Variants in SNX29 observed in about 807,000 individuals in gnomAD.
SNX29 encodes sorting nexin 29.
In SNX29, 78 loss-of-function variants were observed where a neutral mutation model predicts 102.1. That is an observed-to-expected ratio of 0.76 (90% CI 0.64 to 0.92). The LOEUF (loss-of-function observed/expected upper bound fraction) is 0.92, where lower values mean the gene tolerates loss of function less well. Among genes scored for constraint, SNX29 ranks in the 40% least tolerant of loss-of-function variants. The pLI is 0.00. For synonymous variants in SNX29, 580 were observed against 414.5 expected (o/e 1.40, Z -4.85); for missense variants, 1,280 against 1,061.7 (o/e 1.21, Z -2.86).
At chr16:12,115,418 T>C (rs1442128903) in intron 11 of SNX29, among the ~76,000 whole-genome samples, 1 of 151,548 alleles carries the variant, frequency 6.6e-6, no homozygotes, top group Non-Finnish European at 1.5e-5. Flanking sequence ...ACCAGAGAAA[T>C]TCAGGGGAGT....
intron 20 of SNX29, among the ~76,000 whole-genome samples, chr16:12,548,414 G>C (rs1026636775): frequency 1.3e-5 from 2 of 152,184 alleles, no homozygotes; most frequent in Non-Finnish European, 2.9e-5. Context: ...ACCTACCTCT[G>C]GCTCCCCACT....
At chr16:12,060,580 A>T (rs1431517900) in intron 8 of SNX29, among the ~76,000 whole-genome samples, 1 of 152,220 alleles carries the variant, frequency 6.6e-6, no homozygotes, top group Non-Finnish European at 1.5e-5. Flanking sequence ...TCCAGTGTGG[A>T]CAACAGAGCA....
At chr16:12,526,741 T>A in intron 20 of SNX29, 1 of 455,162 alleles carries the variant, frequency 2.2e-6, no homozygotes, top group South Asian at 2.0e-5. Context: ...GCTGAGAGTG[T>A]GAGCAGGAGG....
chr16:12,496,468 C>T (rs1405804596), intron 19 of SNX29, among the ~76,000 whole-genome samples: 1 of 151,298 alleles, frequency 6.6e-6, no homozygotes, highest in Non-Finnish European at 1.5e-5. Context: ...CCCAAGTCAC[C>T]AGCCTGCCCT....
rs2052855522 is a variant in SNX29 at position 12,098,314 on chromosome 16, G to A, written c.1402+19399G>A. Among the ~76,000 whole-genome samples, 1 of 152,114 alleles carries A rather than the reference G, an allele frequency of 6.6e-6. No homozygotes were observed. Reference sequence around the variant, plus strand: ...GAACAAAACTCAAAAGGTACGTATGGGATACCGTAAAGGATTTCTCTTCCA... The same window carrying A: ...GAACAAAACTCAAAAGGTACGTATGAGATACCGTAAAGGATTTCTCTTCCA... On this transcript the variant is annotated intron_variant, in intron 11 of 20. Transcript: ENST00000566228. The surrounding 1 kb of genome is among the most constrained non-coding windows in gnomAD (Gnocchi z 6.0).
At chr16:12,444,820 C>G (rs1245633706) in intron 18 of SNX29, among the ~76,000 whole-genome samples, 1 of 150,094 alleles carries the variant, frequency 6.7e-6, no homozygotes, top group Non-Finnish European at 1.5e-5. Context: ...GCCACATTGT[C>G]CCCTCGACAG....
intron 15 of SNX29, among the ~76,000 whole-genome samples, chr16:12,345,933 C>T (rs1288812195): frequency 6.6e-6 from 1 of 152,172 alleles, no homozygotes; most frequent in Non-Finnish European, 1.5e-5. Context: ...TAGTAGAATG[C>T]ACCTCTGTGT....
intron 16 of SNX29, among the ~76,000 whole-genome samples, chr16:12,388,947 G>A (rs2083431438): frequency 6.6e-6 from 1 of 152,178 alleles, no homozygotes; most frequent in Admixed American, 6.5e-5. Context: ...CAACCCAGGT[G>A]TATCTAAATC....
chr16:12,552,751 C>T (rs888995783), intron 20 of SNX29, among the ~76,000 whole-genome samples: 5 of 152,218 alleles, frequency 3.3e-5, no homozygotes, highest in Non-Finnish European at 7.3e-5. Context: ...GAAATCACTT[C>T]TGATTTAAGG....
intron 13 of SNX29, among the ~76,000 whole-genome samples, chr16:12,176,417 C>G (rs1177926415): frequency 1.3e-5 from 2 of 152,152 alleles, no homozygotes; most frequent in Non-Finnish European, 2.9e-5. Context: ...GAAACTATGT[C>G]TAGTCAGTCC....
chr16:12,277,934 G>C lies in SNX29; in HGVS notation c.1680G>C (p.Val560=). 1 of 1,604,740 alleles carries C rather than the reference G, an allele frequency of 6.2e-7. No individual in the cohort carries two copies. Among genetic ancestry groups the C allele is most frequent in the Non-Finnish European group, 8.5e-7 (1 of 1,175,320 alleles). The change falls in exon 15 of 21, where the codon GTG becomes GTC. Residue 560 remains valine (V), a splice_region_variant and synonymous_variant. Transcript: ENST00000566228. ...MLKREGQTAE[V]PNLWSVDGEV... is the part of the protein sequence containing the mutation. ...TGACATGTCTCTCTTTCTCTAAAGT[G>C]CCAAATCTTTGGAGTGTTGATGGAG... is the stretch of plus-strand genomic sequence containing the variant.
intron 13 of SNX29, among the ~76,000 whole-genome samples, chr16:12,179,021 C>A (rs1354495926): frequency 6.6e-6 from 1 of 152,038 alleles, no homozygotes; most frequent in East Asian, 1.9e-4. Flanking sequence ...AAATAAATAA[C>A]CCTGTAATAC....
chr16:12,172,913 C>A (rs1012966155), intron 13 of SNX29, among the ~76,000 whole-genome samples: 1 of 152,172 alleles, frequency 6.6e-6, no homozygotes, highest in African/African-American at 2.4e-5. Flanking sequence ...TCAACTCTGC[C>A]ATTGTAGTGT....
chr16:12,567,979 C>T (rs1032051793), intron 20 of SNX29, among the ~76,000 whole-genome samples: 2 of 152,146 alleles, frequency 1.3e-5, no homozygotes, highest in African/African-American at 4.8e-5. Flanking sequence ...TGTTATCTTC[C>T]ACTGTTCCTG....
At chr16:12,404,119 C>T (rs1393189088) in intron 18 of SNX29, among the ~76,000 whole-genome samples, 1 of 152,168 alleles carries the variant, frequency 6.6e-6, no homozygotes, top group African/African-American at 2.4e-5. Context: ...CACCTGACCA[C>T]ATGTCTGAGA....
intron 19 of SNX29, among the ~76,000 whole-genome samples, chr16:12,499,085 A>C (rs935335666): frequency 1.3e-5 from 2 of 151,970 alleles, no homozygotes; most frequent in Non-Finnish European, 1.5e-5. Flanking sequence ...CCTTCCCCTT[A>C]TGCCCTCCGC....
intron 16 of SNX29, among the ~76,000 whole-genome samples, chr16:12,383,620 A>G (rs1010265693): frequency 1.4e-4 from 22 of 151,766 alleles, no homozygotes; most frequent in African/African-American, 5.3e-4. Flanking sequence ...TGTTTTTAGT[A>G]AAGACGGGTT....
rs537206621 is a variant in SNX29, at chr16:12,032,409, T to C, written c.247+4965T>C. ...TTTTAGTAGATACGTGGTTTCACTATGTTGGCCAGGCTGGTCTCGAACCCC... is the reference window on the plus strand; with the variant it reads ...TTTTAGTAGATACGTGGTTTCACTACGTTGGCCAGGCTGGTCTCGAACCCC... On this transcript the variant is annotated intron_variant, in intron 4 of 20. Transcript: ENST00000566228. Among the ~76,000 whole-genome samples the C allele has an allele frequency of 7.2e-5, 11 of 152,106 alleles. No homozygotes were observed. The South Asian group carries it at 1.9e-3, about 26-fold the overall frequency.
intron 12 of SNX29, 144 bp downstream of exon 12, chr16:12,126,840 T>C (rs1567230618): frequency 1.5e-5 from 12 of 799,744 alleles, no homozygotes; most frequent in Non-Finnish European, 2.5e-5. Flanking sequence ...GATATGCCAC[T>C]GTGGTATCTC....
Sources: allele counts gnomAD v4.1 joint callset (sites outside exome capture counted in the v4.1 genomes callset), GRCh38; gene constraint gnomAD v4.1.1; non-coding constraint Gnocchi (gnomAD v3.1); transcripts MANE v1.5; gene names NCBI Gene and HGNC (gene_info 2026-07-23, HGNC 2026-07-21).